Variants in ACSS3 observed in about 807,000 individuals in gnomAD.
ACSS3 encodes acyl-CoA synthetase short-chain family member 3, mitochondrial.
ACSS3 carries 64 observed loss-of-function variants against 84.2 expected under a neutral mutation model. The ratio of observed to expected loss-of-function variants is 0.76; its 90% CI spans 0.62 to 0.94. The LOEUF (loss-of-function observed/expected upper bound fraction) is 0.94, where lower values mean the gene tolerates loss of function less well. ACSS3 is among the 40% of genes least tolerant of loss of function. ACSS3 has a pLI of 0.00. For synonymous variants in ACSS3, 317 were observed against 310.1 expected, an observed-to-expected ratio of 1.02 and a Z score of -0.23; for missense variants, 815 against 867.6, an observed-to-expected ratio of 0.94 and a Z score of 0.76.
At chr12:81,181,554 A>C (rs1326236647) in intron 8 of ACSS3, among the ~76,000 whole-genome samples, 1 of 152,172 alleles carries the variant, frequency 6.6e-6, no homozygotes, top group Non-Finnish European at 1.5e-5. Context: ...AATTTACAGA[A>C]ATTTATGAAG....
intron 9 of ACSS3, among the ~76,000 whole-genome samples, chr12:81,211,429 T>C (rs1228051349): frequency 1.3e-5 from 2 of 152,198 alleles, no homozygotes; most frequent in Non-Finnish European, 2.9e-5. Context: ...TTTAGAAATG[T>C]ATCAATTTTA....
At chr12:81,228,504 G>C (rs1354239352) in intron 11 of ACSS3, among the ~76,000 whole-genome samples, 2 of 151,740 alleles carry the variant, frequency 1.3e-5, no homozygotes, top group African/African-American at 4.8e-5. Flanking sequence ...CATCCTGTAG[G>C]CATCAATTAA....
At chr12:81,083,416 G>A (rs149160983) in intron 1 of ACSS3, among the ~76,000 whole-genome samples, 1 of 143,504 alleles carries the variant, frequency 7.0e-6, no homozygotes, top group Non-Finnish European at 1.5e-5. Context: ...GGAGTGCAAT[G>A]GCATGATCTC....
chr12:81,188,437 T>C (rs943411232), intron 8 of ACSS3, among the ~76,000 whole-genome samples: 2 of 152,180 alleles, frequency 1.3e-5, no homozygotes, highest in South Asian at 2.1e-4. Context: ...AAAGTGAACA[T>C]ATCCATTGAA....
chr12:81,129,599 T>A (rs1017067851), intron 2 of ACSS3, among the ~76,000 whole-genome samples: 1 of 72,768 alleles, frequency 1.4e-5, no homozygotes, highest in African/African-American at 4.3e-5. Context: ...GACCTGCGAT[T>A]TTGAGATCTT....
intron 13 of ACSS3, among the ~76,000 whole-genome samples, chr12:81,235,190 A>G (rs1026481765): frequency 6.6e-6 from 1 of 151,398 alleles, no homozygotes; most frequent in Non-Finnish European, 1.5e-5. Context: ...CCCTTTCTCT[A>G]TTGAATTGCC....
chr12:81,096,207 AAG>A (rs552866561), intron 1 of ACSS3, among the ~76,000 whole-genome samples: 107 of 152,308 alleles, frequency 7.0e-4, no homozygotes, highest in African/African-American at 2.5e-3. Context: ...TTTACCTTAT[AAG>A]AGTCTTTTTA....
chr12:81,149,069 A>G (rs1349046996), intron 5 of ACSS3, among the ~76,000 whole-genome samples: 1 of 151,882 alleles, frequency 6.6e-6, no homozygotes, highest in Non-Finnish European at 1.5e-5. Context: ...ACAGAGCAAG[A>G]CTCCATCTCA....
intron 7 of ACSS3, among the ~76,000 whole-genome samples, chr12:81,156,171 GA>G (rs1314337398): frequency 6.8e-6 from 1 of 147,048 alleles, no homozygotes; most frequent in African/African-American, 2.5e-5. Flanking sequence ...GGTCAAATAG[GA>G]AATATCCAGG....
chr12:81,210,118 CAGT>C (rs1161943672), intron 9 of ACSS3, among the ~76,000 whole-genome samples: 1 of 152,140 alleles, frequency 6.6e-6, no homozygotes, highest in Admixed American at 6.6e-5. Flanking sequence ...CAGTAGGTCT[CAGT>C]ATTATTTTAC....
At position 81,116,355 on chromosome 12, in the gene ACSS3, C is replaced by T. The variant is rs1245572985; in HGVS notation, c.456+6651C>T. Among the ~76,000 whole-genome samples the T allele has an allele frequency of 2.0e-5, 3 of 151,914 alleles. No homozygotes were observed. In the South Asian group the frequency reaches 6.2e-4, roughly 32 times the overall value. ...CAACAGTTTAGTATTTCCTAGTTTC[C>T]CCATTTATTCACAATTATAAGTGTC... On this transcript the variant is annotated intron_variant, in intron 2 of 15. Transcript: ENST00000548058.
At chr12:81,191,905 CTTT>C (rs1277277495) in intron 8 of ACSS3, among the ~76,000 whole-genome samples, 1 of 151,884 alleles carries the variant, frequency 6.6e-6, no homozygotes, top group Non-Finnish European at 1.5e-5. Flanking sequence ...TCATTTGATT[CTTT>C]ATTATAATTT....
chr12:81,180,843 T>C (rs1398654356), intron 8 of ACSS3, among the ~76,000 whole-genome samples: 1 of 152,162 alleles, frequency 6.6e-6, no homozygotes, highest in East Asian at 1.9e-4. Context: ...TTTAATCTGA[T>C]GCATAATCAA....
In ACSS3 at chr12:81,233,550, C is replaced by T. The variant is rs2033533667; in HGVS notation, c.1719+79C>T. ...ACTGAAGACAATATTGAGGTTATTT[C>T]ACTTGGAAAATTACCACACCCTTCA... On this transcript the variant is annotated intron_variant, in intron 13 of 15. Coordinates refer to ENST00000548058, the MANE Select transcript of ACSS3 (RefSeq NM_024560.4). 4.6e-6 allele frequency: 7 copies of T among 1,530,538 alleles called. No homozygotes were observed. The South Asian group carries it at 8.6e-5, about 19-fold the overall frequency. 94.8% of individuals were successfully genotyped at this position (1,530,538 alleles called of 1,614,324 possible).
chr12:81,249,249 C>T (rs1268302669), intron 13 of ACSS3, among the ~76,000 whole-genome samples: 1 of 152,048 alleles, frequency 6.6e-6, no homozygotes, highest in Non-Finnish European at 1.5e-5. Flanking sequence ...ATTGTTCTTG[C>T]TCAGTTCTCT....
intron 9 of ACSS3, among the ~76,000 whole-genome samples, chr12:81,200,917 G>T (rs1481585620): frequency 1.4e-5 from 2 of 147,400 alleles, no homozygotes; most frequent in South Asian, 2.1e-4. Flanking sequence ...GAAAAAGAAA[G>T]AAAGAAAGAA....
chr12:81,240,319 T>C lies in ACSS3; in HGVS notation c.1719+6848T>C, dbSNP rs1272317093. 2.0e-5 allele frequency among the ~76,000 whole-genome samples: 3 copies of C among 152,056 alleles called. No individual in the cohort carries two copies. The East Asian group carries it at 5.8e-4, about 29-fold the overall frequency. ...ATGTAATGCTCCTCTTTATTCTTGA[T>C]ACATTTTCTTGCTCTGAAGTCTTCT... On this transcript the variant is annotated intron_variant, in intron 13 of 15. Transcript: ENST00000548058.
At chr12:81,136,253 C>A (rs1593113754) in intron 3 of ACSS3, among the ~76,000 whole-genome samples, 1 of 152,062 alleles carries the variant, frequency 6.6e-6, no homozygotes, top group Admixed American at 6.6e-5. Flanking sequence ...GAATTTAGTG[C>A]AGGAGTTAGA....
chr12:81,179,907 A>T (rs181881058), intron 8 of ACSS3, among the ~76,000 whole-genome samples: 3 of 152,128 alleles, frequency 2.0e-5, no homozygotes, highest in Non-Finnish European at 4.4e-5. Context: ...TGCAGGCTGT[A>T]AAGGAAGCAT....
Sources: allele counts gnomAD v4.1 joint callset (sites outside exome capture counted in the v4.1 genomes callset), GRCh38; gene constraint gnomAD v4.1.1; transcripts MANE v1.5; gene names NCBI Gene and HGNC (gene_info 2026-07-23, HGNC 2026-07-21).